The following FHIT variants were observed in gnomAD, a reference collection of about 807,000 sequenced individuals.
The protein encoded by FHIT is fragile histidine triad diadenosine triphosphatase, also known as bis(5'-adenosyl)-triphosphatase.
FHIT carries 19 observed loss-of-function variants against 17.9 expected under a neutral mutation model. The ratio of observed to expected loss-of-function variants is 1.06; its 90% CI spans 0.74 to 1.56. The LOEUF is 1.56. FHIT is among the 40% of genes most tolerant of loss of function. The pLI is 0.00. For missense variants in FHIT, 248 were observed against 189.2 expected (o/e 1.31, Z -1.82); for synonymous variants, 81 against 69.7 (o/e 1.16, Z -0.81).
At chr3:60,129,054 T>C (rs895596255) in intron 5 of FHIT, among the ~76,000 whole-genome samples, 3 of 99,756 alleles carry the variant, frequency 3.0e-5, no homozygotes, top group Non-Finnish European at 6.0e-5. Flanking sequence ...TTTTTGTTTG[T>C]TTTTTTTTTT....
At chr3:61,140,688 G>A (rs2037056086) in intron 2 of FHIT, among the ~76,000 whole-genome samples, 1 of 152,070 alleles carries the variant, frequency 6.6e-6, no homozygotes, top group Non-Finnish European at 1.5e-5. Flanking sequence ...ATATCTAGAA[G>A]AACGTCCTAC....
intron 5 of FHIT, among the ~76,000 whole-genome samples, chr3:60,292,893 A>C (rs974826870): frequency 6.6e-6 from 1 of 152,124 alleles, no homozygotes; most frequent in African/African-American, 2.4e-5. Context: ...CAATTAAAAA[A>C]CATTCACCAA....
chr3:60,739,632 A>G (rs548901311), intron 4 of FHIT, among the ~76,000 whole-genome samples: 24 of 152,316 alleles, frequency 1.6e-4, no homozygotes, highest in Non-Finnish European at 3.4e-4. Context: ...TCTACCTACA[A>G]GATGGTAGTA....
chr3:60,171,389 C>T (rs148331086), intron 5 of FHIT, among the ~76,000 whole-genome samples: 783 of 152,188 alleles, frequency 5.1e-3, no homozygotes, highest in African/African-American at 0.018. Context: ...TCTCTTTGGC[C>T]ATATGATGTG....
At chr3:60,074,892 G>C (rs1702937461) in intron 5 of FHIT, among the ~76,000 whole-genome samples, 1 of 152,000 alleles carries the variant, frequency 6.6e-6, no homozygotes, top group African/African-American at 2.4e-5. Context: ...ATTACCAAGT[G>C]AATCTACAGC....
At chr3:60,454,705 T>C (rs575132797) in intron 5 of FHIT, among the ~76,000 whole-genome samples, 5 of 152,184 alleles carry the variant, frequency 3.3e-5, no homozygotes, top group African/African-American at 1.2e-4. Context: ...TTTAAAGTCC[T>C]AAATATATCT....
rs568829694 is a variant in FHIT at position 59,929,729 on chromosome 3, A to G, written c.280-7315T>C. On this transcript the variant is annotated intron_variant, in intron 7 of 9. Coordinates refer to ENST00000492590, the MANE Select transcript of FHIT (RefSeq NM_002012.4). ...TTCCATTTGCTGAATATCAACATCA[A>G]AAACTTACAGCATAGAAAATCTGGA... Among the ~76,000 whole-genome samples the G allele has an allele frequency of 2.6e-5, 4 of 152,316 alleles. No individual in the cohort carries two copies. In the South Asian group the frequency reaches 8.3e-4, roughly 32 times the overall value.
intron 4 of FHIT, among the ~76,000 whole-genome samples, chr3:60,674,918 T>C (rs1553694871): frequency 6.6e-6 from 1 of 152,182 alleles, no homozygotes; most frequent in Non-Finnish European, 1.5e-5. Context: ...TGCATCTCTC[T>C]TATTCAGTAC....
intron 4 of FHIT, among the ~76,000 whole-genome samples, chr3:60,604,335 T>C (rs969985269): frequency 1.3e-5 from 2 of 152,170 alleles, no homozygotes; most frequent in Non-Finnish European, 2.9e-5. Context: ...GGTCAGCTTC[T>C]GGTTGTCGTG....
intron 8 of FHIT, among the ~76,000 whole-genome samples, chr3:59,814,664 CATA>C (rs1378907765): frequency 1.3e-5 from 2 of 152,170 alleles, no homozygotes; most frequent in Non-Finnish European, 2.9e-5. Context: ...AGCTTTTAAA[CATA>C]ATATTTCTCC....
At chr3:60,292,083 G>C (rs565658768) in intron 5 of FHIT, among the ~76,000 whole-genome samples, 1 of 152,046 alleles carries the variant, frequency 6.6e-6, no homozygotes, top group Non-Finnish European at 1.5e-5. Flanking sequence ...TCAACTAGAC[G>C]TGAGAGCCAC....
intron 1 of FHIT, among the ~76,000 whole-genome samples, chr3:61,245,523 T>C (rs1472885368): frequency 6.6e-6 from 1 of 152,236 alleles, no homozygotes; most frequent in African/African-American, 2.4e-5. Flanking sequence ...ACTGACTCTC[T>C]GATCCTTTCC....
At position 60,667,338 on chromosome 3, in the gene FHIT, T is replaced by G. The variant is rs529226091; in HGVS notation, c.-17-130359A>C. Among the ~76,000 whole-genome samples the G allele has an allele frequency of 2.0e-4, 31 of 152,240 alleles. No individual in the cohort carries two copies. In the South Asian group the frequency reaches 4.8e-3, roughly 23 times the overall value. ...TCTGATTGGGTGGATTCCATTGTTT[T>G]GTCCTCAAATTTAGTAATTCTACCC... is the stretch of plus-strand genomic sequence containing the variant. On this transcript the variant is annotated intron_variant, in intron 4 of 9. Coordinates refer to ENST00000492590, the MANE Select transcript of FHIT (RefSeq NM_002012.4).
At chr3:60,888,906 C>T (rs1705360728) in intron 3 of FHIT, among the ~76,000 whole-genome samples, 1 of 152,182 alleles carries the variant, frequency 6.6e-6, no homozygotes, top group African/African-American at 2.4e-5. Flanking sequence ...TGATACAATC[C>T]ACCTCAGATT....
chr3:60,624,700 C>T (rs986918921), intron 4 of FHIT, among the ~76,000 whole-genome samples: 6 of 152,112 alleles, frequency 3.9e-5, no homozygotes, highest in African/African-American at 9.7e-5. Context: ...GTAGGCCTGA[C>T]CCTCTGGCTG....
chr3:60,072,277 AT>A (rs1162002219), intron 5 of FHIT, among the ~76,000 whole-genome samples: 1 of 152,172 alleles, frequency 6.6e-6, no homozygotes, highest in Non-Finnish European at 1.5e-5. Flanking sequence ...AGCCCTTTAT[AT>A]TTAGAATGGC....
chr3:59,971,408 T>C (rs17309998), intron 7 of FHIT, among the ~76,000 whole-genome samples: 14,791 of 152,176 alleles, frequency 0.097, 906 homozygotes, highest in Admixed American at 0.13. Context: ...AGGACATGAA[T>C]TGCTATGTCT....
intron 4 of FHIT, among the ~76,000 whole-genome samples, chr3:60,602,821 A>G (rs2038488576): frequency 6.6e-6 from 1 of 152,122 alleles, no homozygotes; most frequent in African/African-American, 2.4e-5. Context: ...GTGCCTGTAT[A>G]AAAAAGACCT....
At position 61,025,403 on chromosome 3, in the gene FHIT, G is replaced by A. The variant is rs145439335; in HGVS notation, c.-111+16644C>T. Among the ~76,000 whole-genome samples the A allele has an allele frequency of 5.3e-5, 8 of 152,258 alleles. No homozygotes were observed. The East Asian group carries it at 9.6e-4, about 18-fold the overall frequency. On this transcript the variant is annotated intron_variant, in intron 3 of 9. Coordinates refer to ENST00000492590, the MANE Select transcript of FHIT (RefSeq NM_002012.4). ...CACTCTATATGATTTTGTTCTTCAC[G>A]GGCAATGTCTCCAAAGTGCTAAATG... is the stretch of plus-strand genomic sequence containing the variant.
Sources: gnomAD v4.1 joint callset for allele counts (sites outside exome capture counted in the v4.1 genomes callset) on GRCh38, gnomAD v4.1.1 for gene constraint, MANE v1.5 for transcripts, NCBI Gene and HGNC (gene_info 2026-07-23, HGNC 2026-07-21) for gene names.